The following TTC5 variants were observed in gnomAD, a reference collection of about 807,000 sequenced individuals.
TTC5 encodes tetratricopeptide repeat protein 5.
Under a neutral mutation model 57.4 loss-of-function variants are expected in TTC5, and 46 were observed. The observed-to-expected ratio is 0.80, with a 90% confidence interval of 0.63 to 1.03. The LOEUF (loss-of-function observed/expected upper bound fraction) is 1.03, where lower values mean the gene tolerates loss of function less well. Ranked by LOEUF, TTC5 falls within the 50% of genes least tolerant of loss-of-function variation. The pLI is 0.00. For missense variants in TTC5, 504 were observed against 528.1 expected (o/e 0.95, Z 0.45); for synonymous variants, 190 against 203.5 (o/e 0.93, Z 0.57).
intron 1 of TTC5, among the ~76,000 whole-genome samples, chr14:20,304,727 G>A (rs1320271758): frequency 6.6e-6 from 1 of 152,146 alleles, no homozygotes; most frequent in African/African-American, 2.4e-5. Context: ...AATCAACATG[G>A]CTGCAAATTA....
At chr14:20,291,466 GT>G (rs1252916324) in intron 9 of TTC5, among the ~76,000 whole-genome samples, 1 of 152,112 alleles carries the variant, frequency 6.6e-6, no homozygotes, top group Non-Finnish European at 1.5e-5. Context: ...CATTCATAAG[GT>G]TTTTTTAAGA....
intron 4 of TTC5, 76 bp from the exon 5 acceptor site, chr14:20,298,964 G>T: frequency 8.3e-7 from 1 of 1,205,228 alleles, no homozygotes; most frequent in Non-Finnish European, 1.2e-6. Flanking sequence ...ATTCTTGAAA[G>T]TATATTTGAA....
chr14:20,299,474 A>G (rs1404398203), intron 3 of TTC5, 26 bp from the exon 4 acceptor site: 1 of 1,610,188 alleles, frequency 6.2e-7, no homozygotes, highest in African/African-American at 1.3e-5. Flanking sequence ...GCACATACTC[A>G]ATCTTCCTGA....
chr14:20,297,235 A>G (rs1016722468), intron 5 of TTC5, among the ~76,000 whole-genome samples: 17 of 152,326 alleles, frequency 1.1e-4, no homozygotes, highest in Middle Eastern at 3.4e-3. Flanking sequence ...TCTAACTAAA[A>G]TAGATGGCCA....
intron 1 of TTC5, chr14:20,305,301 A>G (rs1489730099): frequency 6.6e-6 from 1 of 152,246 alleles, no homozygotes; most frequent in East Asian, 1.9e-4. Context: ...CTTAAAGGCA[A>G]AGAGCCAAGC....
chr14:20,304,330 G>A (rs1403122713), intron 1 of TTC5, among the ~76,000 whole-genome samples: 1 of 152,158 alleles, frequency 6.6e-6, no homozygotes. Context: ...AAATTTTATT[G>A]TATTATATCC....
chr14:20,295,897 A>C, intron 6 of TTC5, 43 bp from the exon 7 acceptor site: 1 of 1,513,030 alleles, frequency 6.6e-7, no homozygotes, highest in Non-Finnish European at 8.8e-7. Context: ...ATCCAGACAA[A>C]CTATCCCGAG....
chr14:20,291,376 AAC>A (rs1212508026), intron 9 of TTC5, among the ~76,000 whole-genome samples: 1 of 152,200 alleles, frequency 6.6e-6, no homozygotes, highest in African/African-American at 2.4e-5. Flanking sequence ...ATTATTAATA[AAC>A]ACAAGCAGTG....
In TTC5 at chr14:20,298,889, C is replaced by A. The variant is rs1263186527; in HGVS notation, c.548-1G>T. On this transcript the variant is annotated splice_acceptor_variant, in intron 4 of 9. Coordinates refer to ENST00000258821, the MANE Select transcript of TTC5 (RefSeq NM_138376.3). LOFTEE classifies it high-confidence loss of function. ...GAAAGATATGAATTCCCAAGAATAT[C>A]TGAAAGAGAAACACAGTGACAAATC... 8.7e-6 allele frequency: 14 copies of A among 1,604,592 alleles called. No homozygotes were observed. The highest frequency in any genetic ancestry group is 1.3e-5 in the African/African-American group (1 of 74,692).
chr14:20,292,768 G>C (rs1881985363), intron 8 of TTC5: 1 of 152,224 alleles, frequency 6.6e-6, no homozygotes, highest in South Asian at 2.1e-4. Context: ...TGGGAGCCCA[G>C]AGGACAAATA....
At chr14:20,303,455 T>C (rs567114028) in intron 1 of TTC5, among the ~76,000 whole-genome samples, 1 of 151,928 alleles carries the variant, frequency 6.6e-6, no homozygotes, top group African/African-American at 2.4e-5. Context: ...TGAAACTAAA[T>C]AGATAGCAGC....
At chr14:20,295,951 T>C in intron 6 of TTC5, 97 bp from the exon 7 acceptor site, 1 of 1,243,254 alleles carries the variant, frequency 8.0e-7, no homozygotes, top group Admixed American at 2.7e-5. Flanking sequence ...TAAACTGTTT[T>C]CCTTCCTGGT....
At chr14:20,292,185 G>C (rs1434076374) in intron 8 of TTC5, 58 bp from the exon 9 acceptor site, 1 of 1,306,870 alleles carries the variant, frequency 7.7e-7, no homozygotes, top group Non-Finnish European at 1.0e-6. Flanking sequence ...GGGTAGGAAA[G>C]AAGAGCAGAA....
chr14:20,297,133 C>T (rs1347185567), intron 5 of TTC5, among the ~76,000 whole-genome samples: 1 of 152,170 alleles, frequency 6.6e-6, no homozygotes, highest in Non-Finnish European at 1.5e-5. Flanking sequence ...TAATGCATTT[C>T]CTCTGCCCAT....
chr14:20,303,506 C>A (rs1292046860), intron 1 of TTC5, among the ~76,000 whole-genome samples: 2 of 152,202 alleles, frequency 1.3e-5, no homozygotes, highest in Non-Finnish European at 2.9e-5. Flanking sequence ...AATCAACAAT[C>A]TTCACAACAC....
At chr14:20,303,231 G>T (rs1882227996) in intron 1 of TTC5, among the ~76,000 whole-genome samples, 2 of 151,436 alleles carry the variant, frequency 1.3e-5, no homozygotes, top group Non-Finnish European at 2.9e-5. Context: ...GCCCAGGCTG[G>T]TCTCAAACTC....
At position 20,295,852 on chromosome 14, in the gene TTC5, C is replaced by T. The variant is rs747240790; in HGVS notation, c.699G>A (p.Leu233=). The change falls in exon 7 of 10, where the codon TTG becomes TTA. Residue 233 remains leucine, a splice_region_variant and synonymous_variant. Transcript: ENST00000258821. ...NPDLHLNRAT[L]HKYEESYGEA... ...CCCCATAACTCTCTTCATATTTATG[C>T]AACTGTACAAGAAGTGTATCCCAAT... The T allele has an allele frequency of 6.3e-7, 1 of 1,579,476 alleles. No individual in the cohort carries two copies. Among genetic ancestry groups the T allele is most frequent in the South Asian group, 1.2e-5 (1 of 85,308 alleles).
rs373919496 is a variant in TTC5, at chr14:20,300,590, G to C, written c.396+17C>G. The C allele has an allele frequency of 2.5e-6, 4 of 1,602,050 alleles. No homozygotes were observed. The highest frequency in any genetic ancestry group is 3.4e-6 in the Non-Finnish European group (4 of 1,176,674). On this transcript the variant is annotated intron_variant, in intron 3 of 9. Transcript: ENST00000258821. ...CCTTCCCATCTCTGCTTTCCAAAGG[G>C]ATAGGGGGCAGCTCACATGGGTGAG... is the stretch of plus-strand genomic sequence containing the variant.
intron 8 of TTC5, chr14:20,294,975 C>T (rs1324871143): frequency 3.8e-6 from 1 of 261,962 alleles, no homozygotes; most frequent in Non-Finnish European, 7.5e-6. Flanking sequence ...CCTCCTTCAA[C>T]TTCTATGATC....
Sources: allele counts gnomAD v4.1 joint callset (sites outside exome capture counted in the v4.1 genomes callset), GRCh38; gene constraint gnomAD v4.1.1; transcripts MANE v1.5; gene names NCBI Gene and HGNC (gene_info 2026-07-23, HGNC 2026-07-21).